Variants in ABCC1 observed in about 807,000 individuals in gnomAD.
ABCC1 encodes multidrug resistance-associated protein 1.
A neutral mutation model predicts 172.9 loss-of-function variants in ABCC1; 83 were observed. The ratio of observed to expected loss-of-function variants is 0.48; its 90% CI spans 0.40 to 0.58. The LOEUF is 0.58. ABCC1 is among the 20% of genes least tolerant of loss of function. The probability of loss-of-function intolerance (pLI) is 0.00; values close to 1 mark genes in which losing one functional copy is unlikely to be tolerated. For missense variants in ABCC1, 1,817 were observed against 2,002.7 expected, an observed-to-expected ratio of 0.91 and a Z score of 1.77; for synonymous variants, 937 against 825.2, an observed-to-expected ratio of 1.14 and a Z score of -2.32.
At chr16:16,012,453 C>G (rs892639997) in intron 3 of ABCC1, among the ~76,000 whole-genome samples, 1 of 150,358 alleles carries the variant, frequency 6.7e-6, no homozygotes, top group Non-Finnish European at 1.5e-5. Flanking sequence ...GGGTCTTGGG[C>G]TCTGTGTTCT....
intron 1 of ABCC1, among the ~76,000 whole-genome samples, chr16:15,986,765 G>A (rs2046754318): frequency 1.3e-5 from 2 of 152,200 alleles, no homozygotes; most frequent in South Asian, 4.1e-4. Flanking sequence ...CGGGGATGTA[G>A]GCATCTTTAC....
At chr16:16,121,089 A>G (rs766740335) in intron 23 of ABCC1, among the ~76,000 whole-genome samples, 5 of 152,334 alleles carry the variant, frequency 3.3e-5, no homozygotes, top group Non-Finnish European at 7.3e-5. Flanking sequence ...GCATATCTAT[A>G]TGATTTATGA....
rs1409427553 is a variant in ABCC1 at position 15,949,702 on chromosome 16, C to A, written c.-50C>A. 13 of 1,072,066 alleles carry A rather than the reference C, an allele frequency of 1.2e-5. No individual in the cohort carries two copies. Among genetic ancestry groups the A allele is most frequent in the Non-Finnish European group, 1.2e-5 (11 of 884,686 alleles). The allele number at this position is 1,072,066 out of a possible 1,614,324, so 66.4% of individuals were successfully genotyped here. On this transcript the variant is annotated 5_prime_UTR_variant, in exon 1 of 31. Coordinates refer to ENST00000399410, the MANE Select transcript of ABCC1 (RefSeq NM_004996.4). ...GCCCGCCGCCGCCCGCGCCAGCAAC[C>A]GGGCCCGATCACCCGCCGCCCGGTG...
rs976160936 is a variant in ABCC1, at chr16:16,108,672, T to A, written c.2871+1799T>A. On this transcript the variant is annotated intron_variant, in intron 21 of 30. Coordinates refer to ENST00000399410, the MANE Select transcript of ABCC1 (RefSeq NM_004996.4). ...GTGCAGTGGCACAATCATGGCTAAC[T>A]GCAGCCTCCACCTCCCGGATTCAAG... Among the ~76,000 whole-genome samples, 5 of 150,686 alleles carry A rather than the reference T, an allele frequency of 3.3e-5. No homozygotes were observed. In the East Asian group the frequency reaches 9.9e-4, roughly 30 times the overall value.
At chr16:16,121,311 G>A (rs1323984994) in intron 23 of ABCC1, among the ~76,000 whole-genome samples, 1 of 152,194 alleles carries the variant, frequency 6.6e-6, no homozygotes. Flanking sequence ...TGAAGTGCGG[G>A]TATTACAAGC....
At chr16:15,994,540 C>A (rs2046988100) in intron 1 of ABCC1, among the ~76,000 whole-genome samples, 1 of 152,130 alleles carries the variant, frequency 6.6e-6, no homozygotes, top group Non-Finnish European at 1.5e-5. Context: ...CATGCTTTCT[C>A]TTTGTTTCCA....
At chr16:16,075,877 G>A (rs1037134563) in intron 14 of ABCC1, among the ~76,000 whole-genome samples, 3 of 152,140 alleles carry the variant, frequency 2.0e-5, no homozygotes, top group African/African-American at 4.8e-5. Context: ...AGGGCCCAGC[G>A]GTCTGATGCT....
intron 1 of ABCC1, among the ~76,000 whole-genome samples, chr16:15,997,142 A>C (rs2047085650): frequency 7.0e-6 from 1 of 142,024 alleles, no homozygotes; most frequent in Non-Finnish European, 1.5e-5. Flanking sequence ...CCCAGGCTGG[A>C]GTGCAGTGGT....
intron 1 of ABCC1, among the ~76,000 whole-genome samples, chr16:15,965,862 C>T (rs957176917): frequency 2.6e-5 from 4 of 152,144 alleles, no homozygotes; most frequent in African/African-American, 9.7e-5. Context: ...GCTGGGATTA[C>T]AGGCGAGAGC....
At chr16:16,043,294 C>G (rs1417432711) in intron 7 of ABCC1, among the ~76,000 whole-genome samples, 1 of 63,354 alleles carries the variant, frequency 1.6e-5, no homozygotes, top group African/African-American at 6.6e-5. Flanking sequence ...GATTGTTGTT[C>G]TTTTTTTTGT....
chr16:16,108,911 C>T (rs1214475541), intron 21 of ABCC1, among the ~76,000 whole-genome samples: 1 of 151,886 alleles, frequency 6.6e-6, no homozygotes, highest in African/African-American at 2.4e-5. Context: ...TCATTTCTGA[C>T]CCCCGAGCCC....
In ABCC1 at chr16:16,056,091, G is replaced by T; in HGVS notation, c.1474-1G>T. The T allele has an allele frequency of 6.2e-7, 1 of 1,614,030 alleles. No individual in the cohort carries two copies. Among genetic ancestry groups the T allele is most frequent in the Non-Finnish European group, 8.5e-7 (1 of 1,179,916 alleles). On this transcript the variant is annotated splice_acceptor_variant, in intron 11 of 30. Coordinates refer to ENST00000399410, the MANE Select transcript of ABCC1 (RefSeq NM_004996.4). LOFTEE classifies it high-confidence loss of function. ...TGTGTTGACTGCCCGTCTCTTCCAA[G>T]GTGGCCCACATGAAGAGCAAAGACA...
In ABCC1 at chr16:16,135,536, A is replaced by G. The variant is rs145083045; in HGVS notation, c.4126-942A>G. ...AGTGGCACGATCTCAGCTTACTGCA[A>G]CCTGCACCTCCTGGGTTCAAGCGAT... On this transcript the variant is annotated intron_variant, in intron 28 of 30. Transcript: ENST00000399410. 7.0e-4 allele frequency among the ~76,000 whole-genome samples: 107 copies of G among 152,246 alleles called. 1 individual carries two copies. The East Asian group carries it at 9.5e-3, about 13-fold the overall frequency.
At chr16:16,036,753 T>C in intron 7 of ABCC1, 150 bp downstream of exon 7, 1 of 812,260 alleles carries the variant, frequency 1.2e-6, no homozygotes, top group South Asian at 1.8e-5. Context: ...CTGGCCTCAG[T>C]TTGCTTTTCT....
In ABCC1 at chr16:16,090,602, C is replaced by T. The variant is rs376600169; in HGVS notation, c.2644+14C>T. The T allele has an allele frequency of 6.4e-7, 1 of 1,562,154 alleles. No individual in the cohort carries two copies. The highest frequency in any genetic ancestry group is 1.4e-5 in the African/African-American group (1 of 73,558). ...CAGAGGAGAACGGTAGGGGCAGCCCCAGGGTTCCACCCACTCAGGGTGTCT... is the reference window on the plus strand; with the variant it reads ...CAGAGGAGAACGGTAGGGGCAGCCCTAGGGTTCCACCCACTCAGGGTGTCT... On this transcript the variant is annotated intron_variant, in intron 19 of 30. Transcript: ENST00000399410.
At chr16:15,999,836 C>CTCTTTCTTTCTTTCTTTCTTTCTTTTCTT (rs2047218275) in intron 1 of ABCC1, among the ~76,000 whole-genome samples, 1 of 16,826 alleles carries the variant, frequency 5.9e-5, no homozygotes, top group East Asian at 9.4e-4. Context: ...CTCTCTCTGT[C>CTCTTTCTTTCTTTCTTTCTTTCTTTTCTT]TCTTTCTTTC....
At chr16:16,131,760 C>T (rs1306716212) in intron 26 of ABCC1, 29 bp from the exon 27 acceptor site, 56 of 1,608,250 alleles carry the variant, frequency 3.5e-5, no homozygotes, top group Non-Finnish European at 4.8e-5. Flanking sequence ...CTGGAAATTC[C>T]TTACTCTCTC....
At chr16:16,042,571 C>T (rs1038750855) in intron 7 of ABCC1, among the ~76,000 whole-genome samples, 5 of 151,932 alleles carry the variant, frequency 3.3e-5, no homozygotes, top group Admixed American at 6.6e-5. Flanking sequence ...GGTGTGGTAG[C>T]GCACACCTGT....
At chr16:16,125,746 A>AAAAAAAAT (rs2152120796) in intron 25 of ABCC1, 64 bp from the exon 26 acceptor site, 19 of 1,213,520 alleles carry the variant, frequency 1.6e-5, no homozygotes, top group Non-Finnish European at 2.0e-5. Flanking sequence ...GTGGAAAAAA[A>AAAAAAAAT]GAAAAAGGAA....
Sources: allele counts gnomAD v4.1 joint callset (sites outside exome capture counted in the v4.1 genomes callset), GRCh38; gene constraint gnomAD v4.1.1; transcripts MANE v1.5; gene names NCBI Gene and HGNC (gene_info 2026-07-23, HGNC 2026-07-21).